Variants in COL14A1 observed in about 807,000 individuals in gnomAD.
The protein encoded by COL14A1 is collagen alpha-1(XIV) chain.
In COL14A1, 136 loss-of-function variants were observed where a neutral mutation model predicts 230.3. The observed-to-expected ratio is 0.59, with a 90% CI of 0.51 to 0.68. The LOEUF is 0.68. Ranked by LOEUF, COL14A1 falls within the 30% of genes least tolerant of loss-of-function variation. The pLI is 0.00. For missense variants in COL14A1, 1,976 were observed against 2,215.8 expected (o/e 0.89, Z 2.17); for synonymous variants, 792 against 784.1 (o/e 1.01, Z -0.17).
intron 45 of COL14A1, among the ~76,000 whole-genome samples, chr8:120,361,376 C>G (rs531819626): frequency 1.3e-5 from 2 of 152,174 alleles, no homozygotes; most frequent in Non-Finnish European, 2.9e-5. Context: ...CCATTCCTGT[C>G]CATCTTAGCA....
intron 20 of COL14A1, 53 bp downstream of exon 20, chr8:120,244,061 C>T (rs1258325972): frequency 3.3e-5 from 52 of 1,585,570 alleles, no homozygotes; most frequent in Non-Finnish European, 4.2e-5. Context: ...AATGGAAATG[C>T]TTGTCCCCTG....
intron 13 of COL14A1, among the ~76,000 whole-genome samples, chr8:120,214,244 T>A (rs1392004361): frequency 6.6e-6 from 1 of 152,214 alleles, no homozygotes; most frequent in Non-Finnish European, 1.5e-5. Context: ...TAATTGCTCT[T>A]CTGTTCCTAG....
chr8:120,135,809 C>A (rs1020472363), intron 1 of COL14A1, among the ~76,000 whole-genome samples: 6 of 151,144 alleles, frequency 4.0e-5, no homozygotes, highest in African/African-American at 1.5e-4. Flanking sequence ...TTTTGGTATT[C>A]TGAAGAGTAT....
At chr8:120,356,057 G>A (rs950159219) in intron 45 of COL14A1, among the ~76,000 whole-genome samples, 1 of 152,188 alleles carries the variant, frequency 6.6e-6, no homozygotes, top group Non-Finnish European at 1.5e-5. Flanking sequence ...GTTTGGATAA[G>A]GAAGGAATAT....
intron 26 of COL14A1, chr8:120,277,342 G>C (rs773030234): frequency 9.9e-5 from 15 of 152,036 alleles, no homozygotes; most frequent in Non-Finnish European, 2.1e-4. Flanking sequence ...TCTGATTTTC[G>C]GACATTTGTC....
At chr8:120,158,328 G>T in intron 3 of COL14A1, 82 bp downstream of exon 3, 1 of 803,356 alleles carries the variant, frequency 1.2e-6, no homozygotes, top group Non-Finnish European at 2.1e-6. Flanking sequence ...GCCAAGCATT[G>T]TGTTAGGATT....
intron 31 of COL14A1, among the ~76,000 whole-genome samples, chr8:120,283,317 G>A (rs947876368): frequency 1.3e-5 from 2 of 152,180 alleles, no homozygotes; most frequent in Non-Finnish European, 2.9e-5. Flanking sequence ...AATGTTCAGT[G>A]AGAAGTGACT....
chr8:120,160,830 A>G (rs1361990752), intron 3 of COL14A1, among the ~76,000 whole-genome samples: 2 of 152,220 alleles, frequency 1.3e-5, no homozygotes, highest in African/African-American at 4.8e-5. Context: ...TTATATAGCT[A>G]AATAGTTTAA....
chr8:120,179,061 G>A (rs545059110), intron 5 of COL14A1, among the ~76,000 whole-genome samples: 314 of 152,102 alleles, frequency 2.1e-3, no homozygotes, highest in African/African-American at 7.1e-3. Context: ...TTTTGCTGTG[G>A]AGAAGCTCTT....
intron 26 of COL14A1, among the ~76,000 whole-genome samples, chr8:120,275,335 T>C (rs1819805812): frequency 6.6e-6 from 1 of 151,856 alleles, no homozygotes; most frequent in African/African-American, 2.4e-5. Flanking sequence ...TATACAAAAA[T>C]CAACTCAAGA....
At chr8:120,171,298 AATAT>A (rs1378946880) in intron 5 of COL14A1, among the ~76,000 whole-genome samples, 2 of 152,158 alleles carry the variant, frequency 1.3e-5, no homozygotes, top group African/African-American at 4.8e-5. Context: ...TATATTATTG[AATAT>A]ATTTATTATA....
At chr8:120,202,476 G>A (rs1195740795) in intron 8 of COL14A1, among the ~76,000 whole-genome samples, 1 of 152,094 alleles carries the variant, frequency 6.6e-6, no homozygotes, top group Non-Finnish European at 1.5e-5. Flanking sequence ...TCCGATGATT[G>A]AAATGACGGG....
chr8:120,206,339 ATGTTTGTT>A (rs371004309), intron 9 of COL14A1, among the ~76,000 whole-genome samples: 12 of 152,106 alleles, frequency 7.9e-5, no homozygotes, highest in Non-Finnish European at 1.2e-4. Flanking sequence ...TGCTTAGTTA[ATGTTTGTT>A]TGTTTGTTTG....
At chr8:120,200,757 ATATATAT>A (rs1317216781) in intron 8 of COL14A1, among the ~76,000 whole-genome samples, 1 of 66,106 alleles carries the variant, frequency 1.5e-5, no homozygotes, top group Non-Finnish European at 3.0e-5. Context: ...ATATATATAT[ATATATAT>A]ATTATTTTTC....
At chr8:120,299,956 G>A (rs1820659739) in intron 35 of COL14A1, among the ~76,000 whole-genome samples, 1 of 152,120 alleles carries the variant, frequency 6.6e-6, no homozygotes, top group Non-Finnish European at 1.5e-5. Flanking sequence ...ACTCTGTGAA[G>A]TTCTATAGTA....
rs1815710673 is a variant in COL14A1, at chr8:120,162,442, G to C, written c.222G>C (p.Gln74His). 6.2e-7 allele frequency: 1 copy of C among 1,601,482 alleles called. No homozygotes were observed. The highest frequency in any genetic ancestry group is 1.7e-5 in the Admixed American group (1 of 57,546). Reference protein sequence around the residue: ...VTPTSGGKTNQLNLQNTATKA... With the variant: ...VTPTSGGKTNHLNLQNTATKA... ...TTATTATAGGTGGAAAAACTAACCA[G>C]CTGAATCTGCAGAACACTGCAACTA... is the stretch of plus-strand genomic sequence containing the variant. The change falls in exon 4 of 48, where the codon CAG becomes CAC. Residue 74 changes from glutamine (Q) to histidine (H), a missense_variant. Physicochemically the swap from Gln to His is conservative, Grantham distance 24 (BLOSUM62 0). This residue lies in a region of COL14A1 where 181 missense variants were observed against 178.6 expected (regional missense o/e 1.01). Transcript: ENST00000297848.
intron 1 of COL14A1, among the ~76,000 whole-genome samples, chr8:120,135,309 G>A (rs1814673873): frequency 6.6e-6 from 1 of 152,052 alleles, no homozygotes; most frequent in South Asian, 2.1e-4. Context: ...TGTTGTCCAG[G>A]CTGGAGTGCA....
rs78635867 is a variant in COL14A1 at position 120,135,058 on chromosome 8, A to G, written c.-38+9718A>G. 3.9e-3 allele frequency among the ~76,000 whole-genome samples: 597 copies of G among 152,334 alleles called. 3 individuals carry two copies. Among genetic ancestry groups the G allele is most frequent in the Non-Finnish European group, 7.0e-3 (477 of 68,028 alleles). ...AAGGATATGCTAGAGAGTTCACCGAACAAAAGACAGCTTAAGTAAATGAAA... is the reference window on the plus strand; with the variant it reads ...AAGGATATGCTAGAGAGTTCACCGAGCAAAAGACAGCTTAAGTAAATGAAA... On this transcript the variant is annotated intron_variant, in intron 1 of 47. Transcript: ENST00000297848.
chr8:120,219,752 C>T (rs975837547), intron 14 of COL14A1, among the ~76,000 whole-genome samples: 1 of 152,092 alleles, frequency 6.6e-6, no homozygotes. Context: ...AAGAATAGCC[C>T]CAGACTAACA....
Sources: gnomAD v4.1 joint callset for allele counts (sites outside exome capture counted in the v4.1 genomes callset) on GRCh38, gnomAD v4.1.1 for gene constraint, gnomAD v4.1.1 regional missense constraint, MANE v1.5 for transcripts, NCBI Gene and HGNC (gene_info 2026-07-23, HGNC 2026-07-21) for gene names.